The following HHAT variants were observed in gnomAD, a reference collection of about 807,000 sequenced individuals.
HHAT encodes hedgehog acyltransferase.
Under a neutral mutation model 70.8 loss-of-function variants are expected in HHAT, and 47 were observed. That is an observed-to-expected ratio of 0.66 (90% CI 0.53 to 0.85). HHAT has a LOEUF of 0.85. HHAT is among the 40% of genes least tolerant of loss of function. The pLI is 0.00. For synonymous variants in HHAT, 228 were observed against 247.6 expected (o/e 0.92, Z 0.74); for missense variants, 609 against 604.8 (o/e 1.01, Z -0.07).
chr1:210,573,628 C>T (rs1656893345), intron 9 of HHAT, among the ~76,000 whole-genome samples: 1 of 152,142 alleles, frequency 6.6e-6, no homozygotes, highest in African/African-American at 2.4e-5. Context: ...TTAAATCTCC[C>T]TTTTCTTTCG....
chr1:210,344,671 T>C (rs2086350997), intron 1 of HHAT, among the ~76,000 whole-genome samples: 1 of 152,218 alleles, frequency 6.6e-6, no homozygotes, highest in Non-Finnish European at 1.5e-5. Context: ...GCCTCCCGTT[T>C]TGGGGAGCCT....
chr1:210,522,476 A>C (rs1231113170), intron 9 of HHAT, among the ~76,000 whole-genome samples: 1 of 150,626 alleles, frequency 6.6e-6, no homozygotes, highest in East Asian at 2.1e-4. Context: ...ATGAAAATTC[A>C]GGCAGGGTGC....
At chr1:210,449,154 G>T (rs1334365113) in intron 7 of HHAT, among the ~76,000 whole-genome samples, 1 of 152,152 alleles carries the variant, frequency 6.6e-6, no homozygotes, top group African/African-American at 2.4e-5. Flanking sequence ...TTGGTGGTCG[G>T]ACCTCCCGGG....
At chr1:210,661,656 G>A (rs185826851) in intron 11 of HHAT, among the ~76,000 whole-genome samples, 2 of 152,310 alleles carry the variant, frequency 1.3e-5, no homozygotes, top group Non-Finnish European at 2.9e-5. Context: ...CAACCCAAAT[G>A]TCCATCAATG....
chr1:210,637,733 G>A (rs1327707227), intron 11 of HHAT, among the ~76,000 whole-genome samples: 3 of 151,928 alleles, frequency 2.0e-5, no homozygotes, highest in Non-Finnish European at 4.4e-5. Flanking sequence ...GGGGGCACAC[G>A]CCTGTAGTCC....
chr1:210,554,940 C>T (rs1157687422), intron 9 of HHAT, among the ~76,000 whole-genome samples: 1 of 152,124 alleles, frequency 6.6e-6, no homozygotes, highest in Non-Finnish European at 1.5e-5. Context: ...TCTCTTCTTC[C>T]TACCTCTGTC....
chr1:210,445,194 C>A (rs969162820), intron 7 of HHAT, among the ~76,000 whole-genome samples: 1 of 152,144 alleles, frequency 6.6e-6, no homozygotes, highest in Admixed American at 6.5e-5. Flanking sequence ...CATAATAGTG[C>A]GGAGAATATA....
chr1:210,369,951 G>A (rs1212531810), intron 3 of HHAT, among the ~76,000 whole-genome samples: 1 of 152,108 alleles, frequency 6.6e-6, no homozygotes, highest in East Asian at 1.9e-4. Context: ...CCAGAAGGCA[G>A]TGGTCAGTCA....
At chr1:210,591,852 ATCTTTGCCCATT>A (rs773360526) in intron 10 of HHAT, among the ~76,000 whole-genome samples, 3 of 152,016 alleles carry the variant, frequency 2.0e-5, no homozygotes, top group Non-Finnish European at 4.4e-5. Context: ...GTCTATTCAG[ATCTTTGCCCATT>A]TCTTAATCAG....
rs551093848 is a variant in HHAT at position 210,399,506 on chromosome 1, G to A, written c.274-962G>A. Among the ~76,000 whole-genome samples the A allele has an allele frequency of 1.2e-4, 18 of 152,118 alleles. No homozygotes were observed. In the East Asian group the frequency reaches 1.9e-3, roughly 16 times the overall value. ...TGACCTCAGGTGATGCACCTGCCTC[G>A]GCCTCCCAAAGTGCTGGGATATCCC... is the stretch of plus-strand genomic sequence containing the variant. On this transcript the variant is annotated intron_variant, in intron 4 of 11. Coordinates refer to ENST00000261458, the MANE Select transcript of HHAT (RefSeq NM_018194.6).
intron 1 of HHAT, among the ~76,000 whole-genome samples, chr1:210,346,833 G>C (rs1469676118): frequency 6.6e-6 from 1 of 152,278 alleles, no homozygotes; most frequent in Non-Finnish European, 1.5e-5. Flanking sequence ...CCATGGCAGA[G>C]TGGAGGGGCA....
rs144758729 is a variant in HHAT, at chr1:210,514,003, A to G, written c.1043+815A>G. Among the ~76,000 whole-genome samples the G allele has an allele frequency of 7.2e-5, 11 of 152,322 alleles. No homozygotes were observed. The East Asian group carries it at 1.9e-3, about 27-fold the overall frequency. On this transcript the variant is annotated intron_variant, in intron 9 of 11. Transcript: ENST00000261458. ...ATTCTGACTAATAGCCTGATAATGA[A>G]CAGTCTGTAGACTCCATGTGATTTT...
At chr1:210,343,357 A>C (rs1035167752) in intron 1 of HHAT, among the ~76,000 whole-genome samples, 1 of 152,164 alleles carries the variant, frequency 6.6e-6, no homozygotes, top group African/African-American at 2.4e-5. Context: ...GTTACTTTTA[A>C]GTTTTCATTT....
chr1:210,618,056 A>G (rs1668099599), intron 10 of HHAT, among the ~76,000 whole-genome samples: 2 of 152,212 alleles, frequency 1.3e-5, no homozygotes, highest in Admixed American at 1.3e-4. Flanking sequence ...GTCCTGCCCT[A>G]TCCTTGAGGA....
chr1:210,587,299 A>G (rs961481451), intron 9 of HHAT, among the ~76,000 whole-genome samples: 3 of 152,220 alleles, frequency 2.0e-5, no homozygotes, highest in Non-Finnish European at 2.9e-5. Context: ...GCAAAGGCAC[A>G]TCTTACATGG....
rs757984265 is a variant in HHAT, at chr1:210,418,242, C to T, written c.773C>T (p.Ala258Val). The change falls in exon 7 of 12, where the codon GCC becomes GTC. Residue 258 changes from alanine to valine, a missense_variant. Coordinates refer to ENST00000261458, the MANE Select transcript of HHAT (RefSeq NM_018194.6). ...CGCCTTCTTTGCTGGTGGTGGCTGGCCGAGCTGATGGCTCACCTGATGTAC... is the reference window on the plus strand; with the variant it reads ...CGCCTTCTTTGCTGGTGGTGGCTGGTCGAGCTGATGGCTCACCTGATGTAC... ...LGRLLCWWWL[A>V]ELMAHLMYMH... is the part of the protein sequence containing the mutation. 2.5e-6 allele frequency: 4 copies of T among 1,613,942 alleles called. No individual in the cohort carries two copies. In the Admixed American group the frequency reaches 6.7e-5, roughly 27 times the overall value.
At chr1:210,390,429 T>C (rs1572097543) in intron 4 of HHAT, among the ~76,000 whole-genome samples, 1 of 152,018 alleles carries the variant, frequency 6.6e-6, no homozygotes, top group East Asian at 1.9e-4. Flanking sequence ...ATTAAAACTC[T>C]AAGTTTATTT....
chr1:210,393,368 G>T (rs2091577385), intron 4 of HHAT, among the ~76,000 whole-genome samples: 1 of 152,194 alleles, frequency 6.6e-6, no homozygotes, highest in Non-Finnish European at 1.5e-5. Flanking sequence ...CATACTGATG[G>T]TCTTTTCAAG....
At chr1:210,376,053 G>A (rs1175058938) in intron 3 of HHAT, among the ~76,000 whole-genome samples, 2 of 139,176 alleles carry the variant, frequency 1.4e-5, no homozygotes, top group African/African-American at 2.7e-5. Context: ...TTACTAGATA[G>A]GGGGTTTTGC....
Sources: allele counts gnomAD v4.1 joint callset (sites outside exome capture counted in the v4.1 genomes callset), GRCh38; gene constraint gnomAD v4.1.1; transcripts MANE v1.5; gene names NCBI Gene and HGNC (gene_info 2026-07-23, HGNC 2026-07-21).